FAM193B: variants seen among roughly 807,000 people sequenced by gnomAD.
FAM193B encodes the protein family with sequence similarity 193 member B.
A neutral mutation model predicts 70.7 loss-of-function variants in FAM193B; 27 were observed. The ratio of observed to expected loss-of-function variants is 0.38; its 90% CI spans 0.28 to 0.53. The LOEUF (loss-of-function observed/expected upper bound fraction) is 0.53. Ranked by LOEUF, FAM193B falls within the 20% of genes least tolerant of loss-of-function variation. The pLI is 0.81. For missense variants in FAM193B, 1,022 were observed against 1,072.5 expected (o/e 0.95, Z 0.66); for synonymous variants, 448 against 436.0 (o/e 1.03, Z -0.34).
At chr5:177,549,354 G>A (rs1014261687) in intron 1 of FAM193B, among the ~76,000 whole-genome samples, 4 of 151,862 alleles carry the variant, frequency 2.6e-5, no homozygotes, top group Non-Finnish European at 5.9e-5. Context: ...CACCATGCCC[G>A]GCTAATTTTT....
chr5:177,524,570 G>A lies in FAM193B; in HGVS notation c.1911C>T (p.Gly637=). Reference sequence around the variant, plus strand: ...TCTTGGCCTGACTGCCCTGCCTCTTGCCCTTCTGTGGCTTCCCACCTGAGG... The same window carrying A: ...TCTTGGCCTGACTGCCCTGCCTCTTACCCTTCTGTGGCTTCCCACCTGAGG... ...PVSSGGKPQK[G]KRQGSQAKKS... Residue 637 remains glycine (G), a synonymous_variant, in exon 6 of 9, where the codon GGC becomes GGT. Coordinates refer to ENST00000514747, the MANE Select transcript of FAM193B (RefSeq NM_001190946.3). 1 of 1,610,294 alleles carries A rather than the reference G, an allele frequency of 6.2e-7. No individual in the cohort carries two copies. Among genetic ancestry groups the A allele is most frequent in the Non-Finnish European group, 8.5e-7 (1 of 1,178,298 alleles).
At position 177,539,145 on chromosome 5, in the gene FAM193B, G is replaced by A. The variant is rs763924734; in HGVS notation, c.213C>T (p.Val71=). The A allele has an allele frequency of 3.2e-6, 5 of 1,561,242 alleles. No individual in the cohort carries two copies. The highest frequency in any genetic ancestry group is 2.7e-5 in the African/African-American group (2 of 73,726). ...GCACAGGCTGGCTGGAGGCGGGGGG[G>A]ACCTGTCCAACAGACAGAAACAGGG... ...DEPNLVPGPQ[V]PPASSQPVQT... is the part of the protein sequence containing the mutation. Residue 71 remains valine, a splice_region_variant and synonymous_variant, in exon 2 of 9, where the codon GTC becomes GTT. Transcript: ENST00000514747.
chr5:177,544,996 C>T (rs987299887), intron 1 of FAM193B, among the ~76,000 whole-genome samples: 3 of 152,068 alleles, frequency 2.0e-5, no homozygotes, highest in Non-Finnish European at 4.4e-5. Context: ...CAGCTTTAGT[C>T]TATTAAGCCA....
At chr5:177,554,014 G>A (rs2127498859) in intron 1 of FAM193B, 2 of 1,314,988 alleles carry the variant, frequency 1.5e-6, no homozygotes, top group Non-Finnish European at 1.9e-6. Context: ...GAGGCGGCGG[G>A]GAGAGGGGAG....
At chr5:177,535,748 C>G (rs1764087323) in intron 4 of FAM193B, among the ~76,000 whole-genome samples, 1 of 152,116 alleles carries the variant, frequency 6.6e-6, no homozygotes, top group Admixed American at 6.5e-5. Flanking sequence ...AAAATTACTA[C>G]TACACGAAAG....
Position 177,538,102 on chromosome 5 carries a change from G to T in FAM193B, c.459C>A (p.Ser153=). The T allele has an allele frequency of 6.5e-7, 1 of 1,537,624 alleles. No homozygotes were observed. ...QTGREHAVAI[S]LSHTSCKSQS... is the part of the protein sequence containing the mutation. ...GTGATTTGCAGGATGTGTGTGACAA[G>T]GAGATCTGGAGAAGGGGGAGGAAAA... Residue 153 remains serine, a synonymous_variant, in exon 3 of 9, where the codon TCC becomes TCA. Coordinates refer to ENST00000514747, the MANE Select transcript of FAM193B (RefSeq NM_001190946.3). This position sits in a 1 kb window ranked among gnomAD's most constrained non-coding sequence, Gnocchi z 4.1.
intron 1 of FAM193B, 84 bp downstream of exon 1, chr5:177,554,165 C>T (rs1377583836): frequency 9.6e-6 from 14 of 1,458,920 alleles, no homozygotes; most frequent in African/African-American, 1.5e-5. Flanking sequence ...CAGGATGGCC[C>T]ATCCCCAACC....
At chr5:177,535,152 AC>A (rs1457587834) in intron 4 of FAM193B, among the ~76,000 whole-genome samples, 3 of 152,258 alleles carry the variant, frequency 2.0e-5, no homozygotes, top group Non-Finnish European at 2.9e-5. Flanking sequence ...TTAAGAAAAG[AC>A]ATCTTTAGAG....
intron 5 of FAM193B, among the ~76,000 whole-genome samples, chr5:177,526,435 G>A (rs967372935): frequency 1.3e-5 from 2 of 152,080 alleles, no homozygotes; most frequent in Non-Finnish European, 2.9e-5. Flanking sequence ...CTAGCTGTGA[G>A]TAGGGCTCAG....
chr5:177,548,125 G>C (rs1475351565), intron 1 of FAM193B, among the ~76,000 whole-genome samples: 1 of 152,168 alleles, frequency 6.6e-6, no homozygotes, highest in African/African-American at 2.4e-5. Flanking sequence ...GGCTCGATCT[G>C]GGTGTTACAT....
Position 177,538,101 on chromosome 5 carries a change from A to C in FAM193B, c.460T>G (p.Leu154Val). 1 of 1,540,470 alleles carries C rather than the reference A, an allele frequency of 6.5e-7. No homozygotes were observed. Among genetic ancestry groups the C allele is most frequent in the Non-Finnish European group, 8.8e-7 (1 of 1,137,552 alleles). ...TGTGATTTGCAGGATGTGTGTGACA[A>C]GGAGATCTGGAGAAGGGGGAGGAAA... is the stretch of plus-strand genomic sequence containing the variant. ...TGREHAVAISLSHTSCKSQSC... is the reference protein window; with the variant it reads ...TGREHAVAISVSHTSCKSQSC... The change falls in exon 3 of 9, where the codon TTG becomes GTG. Residue 154 changes from leucine to valine, a missense_variant. By Grantham distance (32) the Leu-to-Val change is conservative (BLOSUM62 1). Coordinates refer to ENST00000514747, the MANE Select transcript of FAM193B (RefSeq NM_001190946.3). The surrounding 1 kb of genome is among the most constrained non-coding windows in gnomAD (Gnocchi z 4.1).
At chr5:177,521,889 G>A in intron 8 of FAM193B, 85 bp downstream of exon 8, 2 of 1,064,396 alleles carry the variant, frequency 1.9e-6, no homozygotes, top group South Asian at 2.6e-5. Context: ...CTGTGCCCCA[G>A]AGCACAGAAT....
chr5:177,539,182 G>C (rs757220570), intron 1 of FAM193B, 35 bp from the exon 2 acceptor site: 1 of 1,512,352 alleles, frequency 6.6e-7, no homozygotes, highest in East Asian at 2.5e-5. Flanking sequence ...TTCCCAGGAG[G>C]GGAAAGGCTC....
chr5:177,554,395 C>A lies in FAM193B; in HGVS notation c.64G>T (p.Gly22Trp). The A allele has an allele frequency of 1.5e-5, 17 of 1,166,824 alleles. No individual in the cohort carries two copies. Among genetic ancestry groups the A allele is most frequent in the Non-Finnish European group, 1.8e-5 (17 of 946,930 alleles). 72.3% of individuals were successfully genotyped at this position (1,166,824 alleles called of 1,614,324 possible). A position where few individuals can be genotyped will look rare whatever the true frequency, so the allele number is the denominator to read the frequency against. Residue 22 changes from glycine (G) to tryptophan (W), a missense_variant, in exon 1 of 9, where the codon GGG becomes TGG. Transcript: ENST00000514747. ...TCGGGCGCCTGGGGCTTCTGCGGCC[C>A]CGCGGCCCGAGCCCGCTCGCGCCTG... ...AGRRERARAA[G>W]PQKPQAPEPP... is the part of the protein sequence containing the mutation.
intron 4 of FAM193B, among the ~76,000 whole-genome samples, chr5:177,533,500 T>C (rs1469795234): frequency 6.6e-6 from 1 of 151,934 alleles, no homozygotes; most frequent in African/African-American, 2.4e-5. Flanking sequence ...AGAGATGGGG[T>C]TTCACCATGT....
chr5:177,553,664 C>T (rs947550124), intron 1 of FAM193B: 1 of 1,283,016 alleles, frequency 7.8e-7, no homozygotes, highest in Non-Finnish European at 1.0e-6. Context: ...AGGGCAGGTT[C>T]TGCTGGGTTT....
Position 177,523,887 on chromosome 5 carries a change from A to T in FAM193B, c.2372+70T>A, listed in dbSNP as rs910088657. On this transcript the variant is annotated intron_variant, in intron 7 of 8. Transcript: ENST00000514747. The stretch of plus-strand genomic sequence containing the variant: ...CAGGCCTTTCTGAGGCTTGAGGCAC[A>T]ACACAGGGCTTGAGTGTGGGCAGGA... 3.8e-6 allele frequency: 6 copies of T among 1,562,354 alleles called. No homozygotes were observed. In the African/African-American group the frequency reaches 6.8e-5, roughly 18 times the overall value.
chr5:177,534,967 A>G (rs1264483716), intron 4 of FAM193B, among the ~76,000 whole-genome samples: 2 of 152,194 alleles, frequency 1.3e-5, no homozygotes, highest in African/African-American at 4.8e-5. Flanking sequence ...AATATGGGAA[A>G]CCAGCACTCA....
intron 7 of FAM193B, chr5:177,522,277 C>T (rs1351526585): frequency 1.9e-6 from 1 of 518,404 alleles, no homozygotes; most frequent in Non-Finnish European, 3.5e-6. Flanking sequence ...TGTATGAAGA[C>T]AGTGAAACTG....
Sources: allele counts gnomAD v4.1 joint callset (sites outside exome capture counted in the v4.1 genomes callset), GRCh38; gene constraint gnomAD v4.1.1; non-coding constraint Gnocchi (gnomAD v3.1); transcripts MANE v1.5; gene names NCBI Gene and HGNC (gene_info 2026-07-23, HGNC 2026-07-21).